FERMT1: variants seen among roughly 807,000 people sequenced by gnomAD.
The protein encoded by FERMT1 is fermitin family homolog 1.
A neutral mutation model predicts 85.3 loss-of-function variants in FERMT1; 60 were observed. That is an observed-to-expected ratio of 0.70 (90% confidence interval 0.57 to 0.87). FERMT1 has a LOEUF of 0.87. Among genes scored for constraint, FERMT1 ranks in the 40% least tolerant of loss-of-function variants. The probability of loss-of-function intolerance (pLI) is 0.00; values close to 1 mark genes in which losing one functional copy is unlikely to be tolerated. For synonymous variants in FERMT1, 275 were observed against 301.1 expected (o/e 0.91, Z 0.90); for missense variants, 701 against 818.9 (o/e 0.86, Z 1.76).
rs571768364 is a variant in FERMT1 at position 6,113,279 on chromosome 20, T to A, written c.386-656A>T. On this transcript the variant is annotated intron_variant, in intron 3 of 14. Coordinates refer to ENST00000217289, the MANE Select transcript of FERMT1 (RefSeq NM_017671.5). ...AGGCCTCCCCAGCCATGTGGAACTG[T>A]AAGTCCATTAAACTTCTTTCTTTTG... 2.0e-5 allele frequency among the ~76,000 whole-genome samples: 3 copies of A among 152,340 alleles called. No individual in the cohort carries two copies. In the South Asian group the frequency reaches 6.2e-4, roughly 32 times the overall value.
chr20:6,111,353 C>T (rs533263089), intron 4 of FERMT1, among the ~76,000 whole-genome samples: 60 of 151,826 alleles, frequency 4.0e-4, no homozygotes, highest in Admixed American at 1.1e-3. Context: ...CAATCTTGGC[C>T]GGGTGTGGTG....
chr20:6,096,748 T>C, intron 8 of FERMT1, 154 bp downstream of exon 8: 1 of 781,068 alleles, frequency 1.3e-6, no homozygotes, highest in Non-Finnish European at 2.1e-6. Flanking sequence ...GAAAAGTTAG[T>C]TCACTAGGTT....
chr20:6,098,256 A>T (rs944715467), intron 6 of FERMT1, among the ~76,000 whole-genome samples: 2 of 152,168 alleles, frequency 1.3e-5, no homozygotes, highest in African/African-American at 4.8e-5. Context: ...GTAATAAGTA[A>T]ACAGTGTAAT....
rs1982748262 is a variant in FERMT1 at position 6,104,530 on chromosome 20, G to T, written c.849+3002C>A. On this transcript the variant is annotated intron_variant, in intron 6 of 14. Coordinates refer to ENST00000217289, the MANE Select transcript of FERMT1 (RefSeq NM_017671.5). This position sits in a 1 kb window ranked among gnomAD's most constrained non-coding sequence, Gnocchi z 4.2. ...AGGGAATACTGCCATAAGTACTAAA[G>T]TGGTTGAGGATCACAGTGTCCTCCA... Among the ~76,000 whole-genome samples, 1 of 152,206 alleles carries T rather than the reference G, an allele frequency of 6.6e-6. No individual in the cohort carries two copies. The highest frequency in any genetic ancestry group is 1.5e-5 in the Non-Finnish European group (1 of 68,040).
intron 2 of FERMT1, among the ~76,000 whole-genome samples, chr20:6,117,634 A>C (rs957850942): frequency 6.6e-6 from 1 of 152,188 alleles, no homozygotes; most frequent in Non-Finnish European, 1.5e-5. Flanking sequence ...TGGTTTCACC[A>C]TGTTGGTCAG....
At chr20:6,078,046 T>G (rs1262658225) in intron 14 of FERMT1, among the ~76,000 whole-genome samples, 1 of 152,242 alleles carries the variant, frequency 6.6e-6, no homozygotes, top group East Asian at 1.9e-4. Flanking sequence ...AACCCTTTCC[T>G]AGCTGCAAGT....
intron 2 of FERMT1, among the ~76,000 whole-genome samples, chr20:6,118,550 A>G (rs183164029): frequency 1.3e-5 from 2 of 152,342 alleles, no homozygotes; most frequent in East Asian, 3.9e-4. Flanking sequence ...ATGTCAGTCA[A>G]TAAGGACTGA....
chr20:6,119,182 A>G lies in FERMT1; in HGVS notation c.151+222T>C, dbSNP rs188031336. On this transcript the variant is annotated intron_variant, in intron 2 of 14. Coordinates refer to ENST00000217289, the MANE Select transcript of FERMT1 (RefSeq NM_017671.5). ...AGCCTGTTCTTGATCTCCTGACCTCAGGTGATCCGCACACCTTGGCCTCCC... is the reference window on the plus strand; with the variant it reads ...AGCCTGTTCTTGATCTCCTGACCTCGGGTGATCCGCACACCTTGGCCTCCC... Among the ~76,000 whole-genome samples, 810 of 152,290 alleles carry G rather than the reference A, an allele frequency of 5.3e-3. 3 individuals carry two copies. The highest frequency in any genetic ancestry group is 0.024 in the Middle Eastern group (7 of 294).
Position 6,079,556 on chromosome 20 carries a change from A to G in FERMT1, c.1740T>C (p.Asp580=), listed in dbSNP as rs1434497590. Residue 580 remains aspartate (D), a synonymous_variant, in exon 14 of 15, where the codon GAT becomes GAC. Coordinates refer to ENST00000217289, the MANE Select transcript of FERMT1 (RefSeq NM_017671.5). ...TGTTATATGAAACTCCCAGAATGTC[A>G]TCTTTTTTGCTTCCTTTAAATCTGA... ...YLVRFKGSKK[D]DILGVSYNRL... is the part of the protein sequence containing the mutation. 1 of 1,614,066 alleles carries G rather than the reference A, an allele frequency of 6.2e-7. No homozygotes were observed. The highest frequency in any genetic ancestry group is 8.5e-7 in the Non-Finnish European group (1 of 1,179,926).
intron 1 of FERMT1, chr20:6,120,293 TA>T (rs1414310904): frequency 6.6e-6 from 1 of 152,240 alleles, no homozygotes; most frequent in East Asian, 1.9e-4. Flanking sequence ...CTATGTCATA[TA>T]AAAATTGATT....
At chr20:6,115,488 C>A (rs1285073700) in intron 3 of FERMT1, among the ~76,000 whole-genome samples, 2 of 152,146 alleles carry the variant, frequency 1.3e-5, no homozygotes, top group Non-Finnish European at 2.9e-5. Context: ...CTCTTTAAAT[C>A]TTAAATACTG....
At chr20:6,089,440 C>T (rs1257049106) in intron 9 of FERMT1, among the ~76,000 whole-genome samples, 1 of 152,154 alleles carries the variant, frequency 6.6e-6, no homozygotes, top group Non-Finnish European at 1.5e-5. Context: ...AGTTCATCTA[C>T]ATGAAGAGCT....
chr20:6,092,010 G>A lies in FERMT1; in HGVS notation c.1140-2921C>T, dbSNP rs372287351. Among the ~76,000 whole-genome samples, 391 of 150,664 alleles carry A rather than the reference G, an allele frequency of 2.6e-3. 1 individual carries two copies. The highest frequency in any genetic ancestry group is 9.0e-3 in the African/African-American group (369 of 40,928). On this transcript the variant is annotated intron_variant, in intron 9 of 14. Transcript: ENST00000217289. The stretch of plus-strand genomic sequence containing the variant: ...GGGTGGAGTGCAGTGGTGCAATCTC[G>A]GCTCATTGCAACCTCTGCTTCCCAG...
chr20:6,099,637 T>G (rs1982603110), intron 6 of FERMT1, among the ~76,000 whole-genome samples: 1 of 152,044 alleles, frequency 6.6e-6, no homozygotes, highest in Admixed American at 6.6e-5. Flanking sequence ...ACAGACTTTC[T>G]TTTTGGGATG....
At chr20:6,083,693 TAAA>T (rs11364895) in intron 13 of FERMT1, among the ~76,000 whole-genome samples, 2 of 99,692 alleles carry the variant, frequency 2.0e-5, no homozygotes, top group East Asian at 2.6e-4. Context: ...CCCGATCTCT[TAAA>T]AAAAAAAAAC....
chr20:6,094,296 A>G (rs1190756368), intron 9 of FERMT1: 2 of 152,324 alleles, frequency 1.3e-5, no homozygotes, highest in East Asian at 1.9e-4. Flanking sequence ...CGCTGGCACC[A>G]TTGCAGAGGT....
rs765133175 is a variant in FERMT1 at position 6,094,900 on chromosome 20, G to T, written c.1139+39C>A. 7.1e-6 allele frequency: 8 copies of T among 1,127,088 alleles called. No individual in the cohort carries two copies. In the African/African-American group the frequency reaches 1.2e-4, roughly 17 times the overall value. The allele number at this position is 1,127,088 out of a possible 1,614,324, so 69.8% of individuals were successfully genotyped here. ...CTGCACTCTTTATCTTCAAGACTTT[G>T]TTATGAGTAACTCCTTTTCCCCATA... is the stretch of plus-strand genomic sequence containing the variant. On this transcript the variant is annotated intron_variant, in intron 9 of 14. Transcript: ENST00000217289.
chr20:6,089,644 C>G (rs1568656459), intron 9 of FERMT1, among the ~76,000 whole-genome samples: 1 of 152,228 alleles, frequency 6.6e-6, no homozygotes, highest in Non-Finnish European at 1.5e-5. Flanking sequence ...GTAGTTTCCT[C>G]TTCACCCTTA....
At position 6,094,957 on chromosome 20, in the gene FERMT1, T is replaced by C; in HGVS notation, c.1121A>G (p.Asp374Gly). The C allele has an allele frequency of 6.5e-7, 1 of 1,536,646 alleles. No homozygotes were observed. Among genetic ancestry groups the C allele is most frequent in the Non-Finnish European group, 9.0e-7 (1 of 1,109,412 alleles). ...TACTTACCTAAATAATTTGAGATTA[T>C]CTGCAAGTTTAGGGATATCAGTAAT... is the stretch of plus-strand genomic sequence containing the variant. ...EDITDIPKLADNLKLFRPKKL... is the reference protein window; with the variant it reads ...EDITDIPKLAGNLKLFRPKKL... Residue 374 changes from aspartate to glycine, a missense_variant, in exon 9 of 15, where the codon GAT (aspartate) becomes GGT (glycine). Physicochemically the swap from Asp to Gly is moderately conservative, Grantham distance 94. Transcript: ENST00000217289.
Sources: allele counts gnomAD v4.1 joint callset (sites outside exome capture counted in the v4.1 genomes callset), GRCh38; gene constraint gnomAD v4.1.1; non-coding constraint Gnocchi (gnomAD v3.1); transcripts MANE v1.5; gene names NCBI Gene and HGNC (gene_info 2026-07-23, HGNC 2026-07-21).